Variants in ST6GALNAC5 observed in about 807,000 individuals in gnomAD.
The protein encoded by ST6GALNAC5 is ST6 N-acetylgalactosaminide alpha-2,6-sialyltransferase 5, also known as alpha-N-acetylgalactosaminide alpha-2,6-sialyltransferase 5.
In ST6GALNAC5, 27 loss-of-function variants were observed where a neutral mutation model predicts 33.6. That is an observed-to-expected ratio of 0.80 (90% CI 0.59 to 1.11). ST6GALNAC5 has a LOEUF of 1.11. Among genes scored for constraint, ST6GALNAC5 ranks in the 50% least tolerant of loss-of-function variants. ST6GALNAC5 has a pLI of 0.00. For missense variants in ST6GALNAC5, 428 were observed against 454.0 expected, an observed-to-expected ratio of 0.94 and a Z score of 0.52; for synonymous variants, 194 against 171.2, an observed-to-expected ratio of 1.13 and a Z score of -1.04.
chr1:76,972,720 A>C (rs1648813788), intron 2 of ST6GALNAC5, among the ~76,000 whole-genome samples: 1 of 152,176 alleles, frequency 6.6e-6, no homozygotes, highest in Admixed American at 6.5e-5. Flanking sequence ...AAGCAGGTGC[A>C]TCTGTCATCT....
chr1:76,976,818 C>G lies in ST6GALNAC5; in HGVS notation c.262-67386C>G, dbSNP rs1360646305. ...GTTCCTCCTTGATTAATGAAACTAA[C>G]AGTTTTGGGATTTTTTTTTAAGAAC... On this transcript the variant is annotated intron_variant, in intron 2 of 4. Coordinates refer to ENST00000477717, the MANE Select transcript of ST6GALNAC5 (RefSeq NM_030965.3). Among the ~76,000 whole-genome samples, 6 of 151,750 alleles carry G rather than the reference C, an allele frequency of 4.0e-5. No individual in the cohort carries two copies. In the East Asian group the frequency reaches 7.7e-4, roughly 20 times the overall value.
intron 2 of ST6GALNAC5, among the ~76,000 whole-genome samples, chr1:76,990,618 T>C (rs1933393): frequency 0.35 from 53,182 of 152,016 alleles, 11,040 homozygotes; most frequent in Non-Finnish European, 0.45. Flanking sequence ...GACTCATTCC[T>C]GCTCCATCCT....
At chr1:77,028,566 G>A (rs1024915541) in intron 2 of ST6GALNAC5, among the ~76,000 whole-genome samples, 4 of 152,184 alleles carry the variant, frequency 2.6e-5, no homozygotes, top group South Asian at 4.1e-4. Context: ...CACTTTGTGG[G>A]ACAGTGTGGG....
At chr1:76,876,485 G>A (rs544648348) in intron 2 of ST6GALNAC5, among the ~76,000 whole-genome samples, 7 of 152,260 alleles carry the variant, frequency 4.6e-5, no homozygotes, top group Non-Finnish European at 7.3e-5. Context: ...ACACTCACAC[G>A]GGATACAAAT....
At chr1:77,039,706 C>T (rs903782032) in intron 2 of ST6GALNAC5, among the ~76,000 whole-genome samples, 1 of 152,128 alleles carries the variant, frequency 6.6e-6, no homozygotes, top group African/African-American at 2.4e-5. Flanking sequence ...AAGATAGATG[C>T]CTATGTTTCC....
At chr1:76,993,931 AG>A (rs1335119825) in intron 2 of ST6GALNAC5, among the ~76,000 whole-genome samples, 2 of 152,220 alleles carry the variant, frequency 1.3e-5, no homozygotes, top group Non-Finnish European at 2.9e-5. Context: ...AAGAAAAAAA[AG>A]GGCCTATTTT....
At chr1:76,979,056 T>C (rs1344905760) in intron 2 of ST6GALNAC5, among the ~76,000 whole-genome samples, 2 of 151,740 alleles carry the variant, frequency 1.3e-5, no homozygotes, top group African/African-American at 4.8e-5. Flanking sequence ...AGGAATAAAC[T>C]TAACTGAGGA....
intron 2 of ST6GALNAC5, among the ~76,000 whole-genome samples, chr1:76,919,610 T>C (rs1161688107): frequency 1.3e-5 from 2 of 152,192 alleles, no homozygotes; most frequent in South Asian, 2.1e-4. Context: ...ATAAAGTCTT[T>C]GGTTTTAGAA....
At chr1:76,974,464 A>T (rs1018855899) in intron 2 of ST6GALNAC5, among the ~76,000 whole-genome samples, 1 of 151,860 alleles carries the variant, frequency 6.6e-6, no homozygotes, top group Non-Finnish European at 1.5e-5. Context: ...TGGTCTCCCA[A>T]AGTGTTGGGT....
chr1:76,922,160 A>G (rs1438560194), intron 2 of ST6GALNAC5, among the ~76,000 whole-genome samples: 1 of 152,248 alleles, frequency 6.6e-6, no homozygotes, highest in African/African-American at 2.4e-5. Context: ...TAAATTCAGT[A>G]TGATTAACAG....
chr1:76,890,514 T>C (rs1396430837), intron 2 of ST6GALNAC5, among the ~76,000 whole-genome samples: 2 of 151,310 alleles, frequency 1.3e-5, no homozygotes, highest in Non-Finnish European at 1.5e-5. Context: ...CTGTCTGCAA[T>C]GCCCATTCAT....
intron 2 of ST6GALNAC5, among the ~76,000 whole-genome samples, chr1:76,881,848 G>A (rs1653789854): frequency 6.6e-6 from 1 of 152,188 alleles, no homozygotes; most frequent in Admixed American, 6.5e-5. Flanking sequence ...GCATACTCAG[G>A]ATTTCAGAGC....
intron 2 of ST6GALNAC5, among the ~76,000 whole-genome samples, chr1:77,043,780 A>G (rs1246704701): frequency 6.6e-6 from 1 of 152,154 alleles, no homozygotes; most frequent in African/African-American, 2.4e-5. Flanking sequence ...GTAACTTTGG[A>G]CTCAAAAATA....
chr1:76,950,563 T>C (rs1402892614), intron 2 of ST6GALNAC5, among the ~76,000 whole-genome samples: 1 of 152,036 alleles, frequency 6.6e-6, no homozygotes, highest in Non-Finnish European at 1.5e-5. Context: ...AAGGAGATGA[T>C]AGTAATGTAT....
intron 4 of ST6GALNAC5, among the ~76,000 whole-genome samples, 160 bp from the exon 5 acceptor site, chr1:77,062,815 T>C (rs189975582): frequency 3.2e-4 from 49 of 152,198 alleles, no homozygotes; most frequent in African/African-American, 1.2e-3. Flanking sequence ...TCAAAACCTC[T>C]CCACTTCCTT....
intron 4 of ST6GALNAC5, among the ~76,000 whole-genome samples, chr1:77,053,409 G>C (rs984891742): frequency 6.6e-6 from 1 of 152,150 alleles, no homozygotes; most frequent in African/African-American, 2.4e-5. Flanking sequence ...ACACAGGACA[G>C]TAGATATTTA....
intron 2 of ST6GALNAC5, among the ~76,000 whole-genome samples, chr1:76,954,225 G>A (rs1447110079): frequency 6.6e-6 from 1 of 152,152 alleles, no homozygotes; most frequent in African/African-American, 2.4e-5. Context: ...TATGTCCTTT[G>A]CAGGGACATG....
Position 77,044,367 on chromosome 1 carries a change from G to T in ST6GALNAC5, c.425G>T (p.Arg142Met). ...GRDVGNRTSLRVIAHSSIQRI... is the reference protein window; with the variant it reads ...GRDVGNRTSLMVIAHSSIQRI... ...GACGTGGGCAATCGCACCAGCCTGA[G>T]GGTCATCGCGCATTCCAGCATCCAG... The change falls in exon 3 of 5, where the codon AGG (arginine) becomes ATG (methionine). Residue 142 changes from arginine (R) to methionine (M), a missense_variant. Coordinates refer to ENST00000477717, the MANE Select transcript of ST6GALNAC5 (RefSeq NM_030965.3). 6.2e-7 allele frequency: 1 copy of T among 1,613,910 alleles called. No individual in the cohort carries two copies. Among genetic ancestry groups the T allele is most frequent in the Non-Finnish European group, 8.5e-7 (1 of 1,180,012 alleles).
rs1647277167 is a variant in ST6GALNAC5 at position 76,939,535 on chromosome 1, A to G, written c.261+70793A>G. Among the ~76,000 whole-genome samples the G allele has an allele frequency of 2.0e-5, 3 of 152,058 alleles. No homozygotes were observed. In the South Asian group the frequency reaches 6.2e-4, roughly 31 times the overall value. ...TCCTTTGTACAGAAGGAGGGGGCCC[A>G]TGGTCCACAAAATGTGAATTGGTTT... On this transcript the variant is annotated intron_variant, in intron 2 of 4. Transcript: ENST00000477717.
Sources: allele counts gnomAD v4.1 joint callset (sites outside exome capture counted in the v4.1 genomes callset), GRCh38; gene constraint gnomAD v4.1.1; transcripts MANE v1.5; gene names NCBI Gene and HGNC (gene_info 2026-07-23, HGNC 2026-07-21).